COL21A1: variants seen among roughly 807,000 people sequenced by gnomAD.
The protein encoded by COL21A1 is collagen type XXI alpha 1 chain.
Under a neutral mutation model 137.9 loss-of-function variants are expected in COL21A1, and 149 were observed. The observed-to-expected ratio is 1.08, with a 90% CI of 0.95 to 1.24. COL21A1 has a LOEUF of 1.24. COL21A1 is among the 50% of genes most tolerant of loss of function. The pLI is 0.00. For synonymous variants in COL21A1, 456 were observed against 391.5 expected, an observed-to-expected ratio of 1.16 and a Z score of -1.95; for missense variants, 1,167 against 1,158.4, an observed-to-expected ratio of 1.01 and a Z score of -0.11.
rs776784456 is a variant in COL21A1, at chr6:56,060,196, CTGAAGTAAGACTGG to C, written c.2416_2429del (p.Pro806GlufsTer5). On this transcript the variant is annotated frameshift_variant, in exon 28 of 30. Coordinates refer to ENST00000244728, the MANE Select transcript of COL21A1 (RefSeq NM_030820.4). LOFTEE classifies it high-confidence loss of function. ...GATCACAATTTCTAATTCTTCCACT[CTGAAGTAAGACTGG>C]TAGCTGGGCTTTCAAAAACAAAGAA... is the stretch of plus-strand genomic sequence containing the variant. 1 of 1,606,016 alleles carries C rather than the reference CTGAAGTAAGACTGG, an allele frequency of 6.2e-7. No individual in the cohort carries two copies. The highest frequency in any genetic ancestry group is 2.3e-5 in the East Asian group (1 of 44,084).
At chr6:56,074,982 G>GT (rs67244889) in intron 19 of COL21A1, among the ~76,000 whole-genome samples, 3 of 39,256 alleles carry the variant, frequency 7.6e-5, no homozygotes, top group Admixed American at 4.2e-4. Flanking sequence ...GTTAAAATTT[G>GT]GGGGGGGATT....
chr6:56,371,804 C>T (rs867778943), intron 1 of COL21A1, among the ~76,000 whole-genome samples: 17 of 152,200 alleles, frequency 1.1e-4, no homozygotes, highest in Non-Finnish European at 1.5e-5. Context: ...GACCTTTCAT[C>T]TATTTCTCCT....
chr6:56,239,286 C>T (rs555501736), intron 1 of COL21A1, among the ~76,000 whole-genome samples: 1 of 152,278 alleles, frequency 6.6e-6, no homozygotes, highest in South Asian at 2.1e-4. Context: ...CACATTCTAA[C>T]AATCATTATC....
intron 1 of COL21A1, among the ~76,000 whole-genome samples, chr6:56,303,608 C>T (rs968267522): frequency 3.5e-4 from 53 of 152,224 alleles, no homozygotes; most frequent in African/African-American, 1.2e-3. Context: ...CTGAAGTTGC[C>T]TATCAGCTTA....
At chr6:56,355,188 A>G (rs1171159150) in intron 1 of COL21A1, among the ~76,000 whole-genome samples, 2 of 152,156 alleles carry the variant, frequency 1.3e-5, no homozygotes, top group Non-Finnish European at 2.9e-5. Flanking sequence ...GTCATTACAA[A>G]GCTTAAGATA....
chr6:56,190,347 T>C (rs1778579363), intron 1 of COL21A1, among the ~76,000 whole-genome samples: 1 of 152,142 alleles, frequency 6.6e-6, no homozygotes, highest in African/African-American at 2.4e-5. Flanking sequence ...CTAGAATAAA[T>C]GGATAAATTC....
chr6:56,320,724 C>A (rs1228662725), intron 1 of COL21A1, among the ~76,000 whole-genome samples: 1 of 152,160 alleles, frequency 6.6e-6, no homozygotes, highest in East Asian at 1.9e-4. Flanking sequence ...TCACATCTTT[C>A]AGATTTCTGT....
intron 1 of COL21A1, among the ~76,000 whole-genome samples, chr6:56,379,974 C>T (rs2094006172): frequency 6.6e-6 from 1 of 152,056 alleles, no homozygotes; most frequent in Non-Finnish European, 1.5e-5. Context: ...TACTGATATA[C>T]TTTGAGTGTT....
chr6:56,260,784 T>C (rs1763250365), intron 1 of COL21A1, among the ~76,000 whole-genome samples: 1 of 150,206 alleles, frequency 6.7e-6, no homozygotes, highest in African/African-American at 2.5e-5. Flanking sequence ...TTTTAGAAAG[T>C]AAAGTGGAAG....
At chr6:56,378,842 G>A (rs1562078759) in intron 1 of COL21A1, among the ~76,000 whole-genome samples, 1 of 152,220 alleles carries the variant, frequency 6.6e-6, no homozygotes, top group Non-Finnish European at 1.5e-5. Context: ...AGGAGTGCTT[G>A]TGTCACTCCA....
chr6:56,098,024 T>G (rs1230350014), intron 17 of COL21A1, among the ~76,000 whole-genome samples: 1 of 67,516 alleles, frequency 1.5e-5, no homozygotes, highest in African/African-American at 6.8e-5. Context: ...TATATATAAA[T>G]ATATATGTAA....
intron 12 of COL21A1, among the ~76,000 whole-genome samples, chr6:56,139,965 A>G (rs1774294733): frequency 6.6e-6 from 1 of 152,180 alleles, no homozygotes; most frequent in Non-Finnish European, 1.5e-5. Context: ...TTAAGCCCAG[A>G]AAAGTCAAGT....
chr6:56,330,681 C>G (rs893999993), intron 1 of COL21A1, among the ~76,000 whole-genome samples: 7 of 151,974 alleles, frequency 4.6e-5, no homozygotes, highest in African/African-American at 1.7e-4. Context: ...TTTGGAGTCT[C>G]CTGTATTATC....
Position 56,182,631 on chromosome 6 carries a change from G to C in COL21A1, c.-13C>G, listed in dbSNP as rs763120186. On this transcript the variant is annotated 5_prime_UTR_variant, in exon 2 of 30. Transcript: ENST00000244728. ...TATAGTGAGCCATGTTTCTGTTTTCGTTCTAATATTTTGGTTTTAGGATTC... is the reference window on the plus strand; with the variant it reads ...TATAGTGAGCCATGTTTCTGTTTTCCTTCTAATATTTTGGTTTTAGGATTC... The C allele has an allele frequency of 6.3e-7, 1 of 1,577,740 alleles. No homozygotes were observed. The highest frequency in any genetic ancestry group is 8.6e-7 in the Non-Finnish European group (1 of 1,157,936).
intron 1 of COL21A1, among the ~76,000 whole-genome samples, chr6:56,219,549 G>A (rs921316055): frequency 2.0e-5 from 3 of 151,956 alleles, no homozygotes; most frequent in Non-Finnish European, 4.4e-5. Flanking sequence ...CAAGCGTCTC[G>A]ACTTTTTGCA....
At chr6:56,093,330 C>T (rs766560830) in intron 17 of COL21A1, among the ~76,000 whole-genome samples, 1 of 152,064 alleles carries the variant, frequency 6.6e-6, no homozygotes, top group African/African-American at 2.4e-5. Flanking sequence ...ATTTCAAATT[C>T]TTATCTAAAT....
chr6:56,063,170 C>A (rs745657983), intron 24 of COL21A1, among the ~76,000 whole-genome samples: 1 of 152,070 alleles, frequency 6.6e-6, no homozygotes, highest in Non-Finnish European at 1.5e-5. Context: ...GAACCCAAAT[C>A]CTGCCTTAGG....
At chr6:56,092,295 A>C (rs1768901602) in intron 17 of COL21A1, among the ~76,000 whole-genome samples, 1 of 152,174 alleles carries the variant, frequency 6.6e-6, no homozygotes, top group South Asian at 2.1e-4. Flanking sequence ...CAACTGGGGA[A>C]AAATAAGCGA....
At chr6:56,309,846 T>G (rs1395690132) in intron 1 of COL21A1, among the ~76,000 whole-genome samples, 1 of 152,212 alleles carries the variant, frequency 6.6e-6, no homozygotes. Flanking sequence ...TAACATATAT[T>G]ATAGTAAGCA....
Sources: gnomAD v4.1 joint callset for allele counts (sites outside exome capture counted in the v4.1 genomes callset) on GRCh38, gnomAD v4.1.1 for gene constraint, MANE v1.5 for transcripts, NCBI Gene and HGNC (gene_info 2026-07-23, HGNC 2026-07-21) for gene names.